Variants in EPRS1 observed in about 807,000 individuals in gnomAD.
The protein encoded by EPRS1 is glutamyl-prolyl-tRNA synthetase 1.
Under a neutral mutation model 188.3 loss-of-function variants are expected in EPRS1, and 107 were observed. The ratio of observed to expected loss-of-function variants is 0.57; its 90% CI spans 0.49 to 0.67. The LOEUF (loss-of-function observed/expected upper bound fraction) is 0.67, where lower values mean the gene tolerates loss of function less well. EPRS1 is among the 30% of genes least tolerant of loss of function. The pLI is 0.00. For synonymous variants in EPRS1, 596 were observed against 593.1 expected (o/e 1.00, Z -0.07); for missense variants, 1,577 against 1,802.2 (o/e 0.88, Z 2.26).
intron 6 of EPRS1, among the ~76,000 whole-genome samples, chr1:220,028,031 A>G (rs367806223): frequency 2.0e-5 from 3 of 152,104 alleles, no homozygotes; most frequent in African/African-American, 7.2e-5. Flanking sequence ...AATGTTAGGA[A>G]AAACTGGGTG....
rs763004190 is a variant in EPRS1, at chr1:220,020,103, C to T, written c.1234G>A (p.Ala412Thr). The change falls in exon 10 of 32, where the codon GCT (alanine) becomes ACT (threonine). Residue 412 changes from alanine (A) to threonine (T), a missense_variant. Ala to Thr is a moderately conservative substitution (Grantham distance 58). Around this residue, in one of 3 missense-constraint regions of EPRS1, gnomAD observed 1,278 missense variants for 1,457.4 expected, o/e 0.88. Transcript: ENST00000366923. The stretch of plus-strand genomic sequence containing the variant: ...ATATATGGTTTTCTTATGCCTAAAG[C>T]TTCAATAATCCAGTAAAACTGCTCA... ...RDEQFYWIIE[A>T]LGIRKPYIWE... is the part of the protein sequence containing the mutation. 2 of 1,613,940 alleles carry T rather than the reference C, an allele frequency of 1.2e-6. No homozygotes were observed. Among genetic ancestry groups the T allele is most frequent in the South Asian group, 2.2e-5 (2 of 91,084 alleles).
At chr1:219,970,546 C>T (rs1056632656) in intron 30 of EPRS1, among the ~76,000 whole-genome samples, 1 of 152,062 alleles carries the variant, frequency 6.6e-6, no homozygotes, top group Non-Finnish European at 1.5e-5. Context: ...TGGGAGGCCA[C>T]GGCAGGTGGG....
intron 17 of EPRS1, among the ~76,000 whole-genome samples, chr1:219,998,967 T>C (rs1661291589): frequency 6.6e-6 from 1 of 151,440 alleles, no homozygotes; most frequent in Admixed American, 6.6e-5. Context: ...ATTTTTTCCC[T>C]GTGTATTCCA....
At chr1:220,032,359 T>C (rs938926647) in intron 5 of EPRS1, 28 bp downstream of exon 5, 33 of 1,566,938 alleles carry the variant, frequency 2.1e-5, no homozygotes, top group Non-Finnish European at 2.7e-5. Context: ...GTGTTTTTTT[T>C]TTTAAAAAAA....
intron 13 of EPRS1, among the ~76,000 whole-genome samples, chr1:220,009,728 A>C (rs893622590): frequency 1.3e-5 from 2 of 152,094 alleles, no homozygotes; most frequent in Admixed American, 1.3e-4. Context: ...CAAAATTGTC[A>C]ACTAAGCAGT....
intron 28 of EPRS1, 69 bp from the exon 29 acceptor site, chr1:219,973,467 T>C: frequency 9.6e-7 from 1 of 1,039,038 alleles, no homozygotes; most frequent in Admixed American, 2.7e-5. Flanking sequence ...ATGTAATTCA[T>C]GGCTTTAGCT....
chr1:220,019,366 G>A (rs1411583348), intron 10 of EPRS1, among the ~76,000 whole-genome samples: 1 of 152,060 alleles, frequency 6.6e-6, no homozygotes, highest in African/African-American at 2.4e-5. Context: ...GAAATCCCAT[G>A]CATTCATACA....
At chr1:219,978,514 T>C in intron 28 of EPRS1, 32 bp downstream of exon 28, 2 of 1,491,246 alleles carry the variant, frequency 1.3e-6, no homozygotes, top group Non-Finnish European at 1.8e-6. Flanking sequence ...ATTGCAGATG[T>C]TGGGGGTAAA....
chr1:220,029,783 T>C (rs547492766), intron 6 of EPRS1, among the ~76,000 whole-genome samples: 10 of 152,218 alleles, frequency 6.6e-5, no homozygotes, highest in Admixed American at 2.6e-4. Flanking sequence ...AAAGACTTCC[T>C]TCTCAGCCTT....
Position 219,978,687 on chromosome 1 carries a change from T to C in EPRS1, c.3942A>G (p.Ala1314=). 2 of 1,612,232 alleles carry C rather than the reference T, an allele frequency of 1.2e-6. No homozygotes were observed. Among genetic ancestry groups the C allele is most frequent in the Non-Finnish European group, 1.7e-6 (2 of 1,179,100 alleles). The change falls in exon 28 of 32, where the codon GCA becomes GCG. Residue 1314 remains alanine, a synonymous_variant. Coordinates refer to ENST00000366923, the MANE Select transcript of EPRS1 (RefSeq NM_004446.3). ...GCGCTTCTTTGTCTTCTTCAGAAAG[T>C]GCATTGGTAATGCCACAAGGAATAA... ...VVIIPCGITN[A]LSEEDKEALI...
intron 23 of EPRS1, 56 bp from the exon 24 acceptor site, chr1:219,981,513 G>T: frequency 9.5e-7 from 1 of 1,057,354 alleles, no homozygotes; most frequent in Non-Finnish European, 1.4e-6. Context: ...CTCCTTTAGG[G>T]ATGTAACAGC....
chr1:220,033,402 C>A (rs978976037), intron 4 of EPRS1, 100 bp downstream of exon 4: 1 of 789,668 alleles, frequency 1.3e-6, no homozygotes, highest in Admixed American at 2.7e-5. Context: ...TATATATACA[C>A]ACACATATAC....
At position 219,970,200 on chromosome 1, in the gene EPRS1, T is replaced by C. The variant is rs890362614; in HGVS notation, c.4324-1078A>G. Among the ~76,000 whole-genome samples the C allele has an allele frequency of 2.0e-5, 3 of 152,324 alleles. No individual in the cohort carries two copies. The East Asian group carries it at 5.8e-4, about 29-fold the overall frequency. ...ACTTCAAAATGAGGTTTGTCTTCAA[T>C]AACAATTATGTAGTAGCCCTATAAA... On this transcript the variant is annotated intron_variant, in intron 30 of 31. Coordinates refer to ENST00000366923, the MANE Select transcript of EPRS1 (RefSeq NM_004446.3).
At position 220,024,344 on chromosome 1, in the gene EPRS1, T is replaced by C. The variant is rs1345993059; in HGVS notation, c.863A>G (p.Lys288Arg). ...AGCAGGAGTATCATCCACATAAGCC[T>C]TCCCTTCTTGAATTAGCTTCTCTGC... ...KYAEKLIQEGKAYVDDTPAEQ... is the reference protein window; with the variant it reads ...KYAEKLIQEGRAYVDDTPAEQ... The change falls in exon 8 of 32, where the codon AAG becomes AGG. Residue 288 changes from lysine (K) to arginine (R), a missense_variant. Coordinates refer to ENST00000366923, the MANE Select transcript of EPRS1 (RefSeq NM_004446.3). 6.2e-7 allele frequency: 1 copy of C among 1,613,486 alleles called. No homozygotes were observed. The highest frequency in any genetic ancestry group is 1.7e-5 in the Admixed American group (1 of 60,002).
intron 9 of EPRS1, among the ~76,000 whole-genome samples, 167 bp downstream of exon 9, chr1:220,022,180 A>C (rs1327917192): frequency 1.3e-5 from 2 of 152,204 alleles, no homozygotes; most frequent in Non-Finnish European, 2.9e-5. Flanking sequence ...CAGGTGAGTA[A>C]ACGGCCCGTG....
At chr1:220,000,637 A>G (rs1474315579) in intron 17 of EPRS1, among the ~76,000 whole-genome samples, 4 of 152,174 alleles carry the variant, frequency 2.6e-5, no homozygotes, top group Non-Finnish European at 5.9e-5. Flanking sequence ...AATTTTTAGT[A>G]TGATAAATGC....
At chr1:220,032,621 A>C in intron 4 of EPRS1, 95 bp from the exon 5 acceptor site, 1 of 1,226,796 alleles carries the variant, frequency 8.2e-7, no homozygotes, top group South Asian at 1.3e-5. Flanking sequence ...AGATGGCTTA[A>C]AGTTGTGCTT....
intron 15 of EPRS1, among the ~76,000 whole-genome samples, chr1:220,005,841 GTTTTT>G (rs1158202804): frequency 1.0e-4 from 2 of 19,498 alleles, no homozygotes; most frequent in Non-Finnish European, 3.3e-4. Context: ...TTTTTTTTTT[GTTTTT>G]TTTTGTAGAG....
chr1:219,988,829 A>G lies in EPRS1; in HGVS notation c.2542-6T>C. 1 of 1,543,862 alleles carries G rather than the reference A, an allele frequency of 6.5e-7. No homozygotes were observed. Among genetic ancestry groups the G allele is most frequent in the Admixed American group, 1.9e-5 (1 of 51,416 alleles). On this transcript the variant is annotated splice_region_variant and splice_polypyrimidine_tract_variant and intron_variant, in intron 18 of 31. Coordinates refer to ENST00000366923, the MANE Select transcript of EPRS1 (RefSeq NM_004446.3). ...ACAGCTTCATTTATTTTAGCCTAAA[A>G]TAAAAGAGAGAAAGAGATATTTATA...
Sources: gnomAD v4.1 joint callset for allele counts (sites outside exome capture counted in the v4.1 genomes callset) on GRCh38, gnomAD v4.1.1 for gene constraint, gnomAD v4.1.1 regional missense constraint, MANE v1.5 for transcripts, NCBI Gene and HGNC (gene_info 2026-07-23, HGNC 2026-07-21) for gene names.